KCNQ1: variants seen among roughly 807,000 people sequenced by gnomAD.
KCNQ1 encodes the protein potassium voltage-gated channel subfamily Q member 1, also known as potassium voltage-gated channel subfamily KQT member 1.
In KCNQ1, 49 loss-of-function variants were observed where a neutral mutation model predicts 72.4. That is an observed-to-expected ratio of 0.68 (90% CI 0.54 to 0.86). KCNQ1 has a LOEUF of 0.86. Ranked by LOEUF, KCNQ1 falls within the 40% of genes least tolerant of loss-of-function variation. KCNQ1 has a pLI of 0.00. For missense variants in KCNQ1, 790 were observed against 945.1 expected, an observed-to-expected ratio of 0.84 and a Z score of 2.15; for synonymous variants, 450 against 412.6, an observed-to-expected ratio of 1.09 and a Z score of -1.10.
intron 10 of KCNQ1, chr11:2,630,746 G>C (rs1263051864): frequency 5.0e-6 from 2 of 398,206 alleles, no homozygotes; most frequent in African/African-American, 4.1e-5. Flanking sequence ...ACTCCCTCTG[G>C]CATATCTTGT....
rs780746457 is a variant in KCNQ1 at position 2,687,732 on chromosome 11, G to A, written c.1514+25651G>A. The A allele has an allele frequency of 2.3e-5, 9 of 398,614 alleles. No homozygotes were observed. Among genetic ancestry groups the A allele is most frequent in the Non-Finnish European group, 3.5e-5 (8 of 226,146 alleles). The allele number at this position is 398,614 out of a possible 1,614,324, so 24.7% of individuals were successfully genotyped here. On this transcript the variant is annotated intron_variant, in intron 11 of 15. Coordinates refer to ENST00000155840, the MANE Select transcript of KCNQ1 (RefSeq NM_000218.3). The surrounding 1 kb of genome is among the most constrained non-coding windows in gnomAD (Gnocchi z 5.0). The stretch of plus-strand genomic sequence containing the variant: ...GGCCCAGATTTCAAGCCAGTAACCA[G>A]CAAATCATGGGGAGACTGAGAAGAG...
chr11:2,797,836 A>G (rs1847169738), intron 15 of KCNQ1, among the ~76,000 whole-genome samples: 1 of 152,044 alleles, frequency 6.6e-6, no homozygotes, highest in African/African-American at 2.4e-5. Context: ...CATCCTGTGA[A>G]GCCAGCCGGT....
intron 11 of KCNQ1, among the ~76,000 whole-genome samples, chr11:2,744,274 C>A (rs758705429): frequency 6.6e-6 from 1 of 152,236 alleles, no homozygotes; most frequent in African/African-American, 2.4e-5. Flanking sequence ...GATGTGGCAT[C>A]GGGAACACCA....
intron 12 of KCNQ1, among the ~76,000 whole-genome samples, chr11:2,775,278 G>A (rs1846671936): frequency 6.6e-6 from 1 of 152,200 alleles, no homozygotes; most frequent in South Asian, 2.1e-4. Context: ...GATGTCACCT[G>A]AGTCCCACTT....
In KCNQ1 at chr11:2,464,918, ATC is replaced by A. The variant is rs1392285930; in HGVS notation, c.386+19438_386+19439del. On this transcript the variant is annotated intron_variant, in intron 1 of 15. Coordinates refer to ENST00000155840, the MANE Select transcript of KCNQ1 (RefSeq NM_000218.3). This position sits in a 1 kb window ranked among gnomAD's most constrained non-coding sequence, Gnocchi z 5.0. ...TCCTGCCCGAGGAAGTAAGACAGCAATCTCTGGGGTCCTGGGCACCAACTCTG... is the reference window on the plus strand; with the variant it reads ...TCCTGCCCGAGGAAGTAAGACAGCAATCTGGGGTCCTGGGCACCAACTCTG... 6.6e-6 allele frequency among the ~76,000 whole-genome samples: 1 copy of A among 152,062 alleles called. No individual in the cohort carries two copies. The highest frequency in any genetic ancestry group is 2.4e-5 in the African/African-American group (1 of 41,394).
At chr11:2,792,596 A>G (rs900310552) in intron 15 of KCNQ1, among the ~76,000 whole-genome samples, 4 of 152,108 alleles carry the variant, frequency 2.6e-5, no homozygotes, top group African/African-American at 9.7e-5. Context: ...CATCCTATGG[A>G]TATCTAGAGG....
In KCNQ1 at chr11:2,787,643, T is replaced by C. The variant is rs951878999; in HGVS notation, c.1794+9606T>C. On this transcript the variant is annotated intron_variant, in intron 15 of 15. Transcript: ENST00000155840. The surrounding 1 kb of genome is among the most constrained non-coding windows in gnomAD (Gnocchi z 6.3). Reference sequence around the variant, plus strand: ...TATCATTTCAATATATAATTAATATTTTTAAAACTCTTAAAATTGTTGACA... The same window carrying C: ...TATCATTTCAATATATAATTAATATCTTTAAAACTCTTAAAATTGTTGACA... Among the ~76,000 whole-genome samples the C allele has an allele frequency of 6.6e-6, 1 of 152,214 alleles. No individual in the cohort carries two copies. Among genetic ancestry groups the C allele is most frequent in the Non-Finnish European group, 1.5e-5 (1 of 68,042 alleles).
At chr11:2,694,264 G>A (rs1033240917) in intron 11 of KCNQ1, 6 of 398,544 alleles carry the variant, frequency 1.5e-5, no homozygotes, top group East Asian at 7.1e-5. Context: ...TGCCTTTAAA[G>A]AGCCACAGCA....
At chr11:2,722,463 A>C (rs1006287921) in intron 11 of KCNQ1, among the ~76,000 whole-genome samples, 3 of 152,298 alleles carry the variant, frequency 2.0e-5, no homozygotes, top group Non-Finnish European at 4.4e-5. Flanking sequence ...GGAGGACCTC[A>C]CAAAGGAGAT....
At chr11:2,685,184 C>A in intron 11 of KCNQ1, 1 of 398,622 alleles carries the variant, frequency 2.5e-6, no homozygotes. Flanking sequence ...CATGGAATGC[C>A]CCCTTCGTGG....
chr11:2,680,757 T>G, intron 11 of KCNQ1: 1 of 138,384 alleles, frequency 7.2e-6, no homozygotes, highest in Non-Finnish European at 1.6e-5. Flanking sequence ...CCCTGACAAC[T>G]ACTAACCTAT....
rs1334504366 is a variant in KCNQ1 at position 2,477,538 on chromosome 11, A to G, written c.386+32054A>G. On this transcript the variant is annotated intron_variant, in intron 1 of 15. Transcript: ENST00000155840. This position sits in a 1 kb window ranked among gnomAD's most constrained non-coding sequence, Gnocchi z 5.0. ...GAAAAGAAAACTACAGACCAGTGAT[A>G]TGTACACAGAGAGCAATGAAAATCC... 1.3e-5 allele frequency among the ~76,000 whole-genome samples: 2 copies of G among 152,156 alleles called. No individual in the cohort carries two copies. The highest frequency in any genetic ancestry group is 4.8e-5 in the African/African-American group (2 of 41,428).
rs983777402 is a variant in KCNQ1 at position 2,559,649 on chromosome 11, C to T, written c.478-10979C>T. On this transcript the variant is annotated intron_variant, in intron 2 of 15. Coordinates refer to ENST00000155840, the MANE Select transcript of KCNQ1 (RefSeq NM_000218.3). The surrounding 1 kb of genome is among the most constrained non-coding windows in gnomAD (Gnocchi z 4.9). ...TCGCTCACCAGGAAGAAGACACGTC[C>T]GGGCAGCTGGCAGGTGGGGCTAGTT... Among the ~76,000 whole-genome samples, 17 of 152,162 alleles carry T rather than the reference C, an allele frequency of 1.1e-4. No individual in the cohort carries two copies. The highest frequency in any genetic ancestry group is 2.0e-4 in the Admixed American group (3 of 15,286).
intron 10 of KCNQ1, chr11:2,622,955 T>A (rs986826309): frequency 7.5e-6 from 3 of 398,524 alleles, no homozygotes; most frequent in Non-Finnish European, 1.3e-5. Flanking sequence ...TACAAATGTG[T>A]AACATGTTGA....
Position 2,492,517 on chromosome 11 carries a change from C to A in KCNQ1, c.387-35411C>A, listed in dbSNP as rs573202719. Reference sequence around the variant, plus strand: ...CTAATGCTCTCCCTCCCCTTGGCCCCCATCTCCCCACAGATCCCGGTGTGT... The same window carrying A: ...CTAATGCTCTCCCTCCCCTTGGCCCACATCTCCCCACAGATCCCGGTGTGT... On this transcript the variant is annotated intron_variant, in intron 1 of 15. Coordinates refer to ENST00000155840, the MANE Select transcript of KCNQ1 (RefSeq NM_000218.3). The surrounding 1 kb of genome is among the most constrained non-coding windows in gnomAD (Gnocchi z 4.1). 8.5e-5 allele frequency among the ~76,000 whole-genome samples: 13 copies of A among 152,248 alleles called. No individual in the cohort carries two copies. The highest frequency in any genetic ancestry group is 2.6e-4 in the Admixed American group (4 of 15,284).
In KCNQ1 at chr11:2,592,611, C is replaced by G. The variant is rs2283179; in HGVS notation, c.1393+3757C>G. The stretch of plus-strand genomic sequence containing the variant: ...TCTTTGCAGTGAAGCGTCACAGACT[C>G]CTCATGAAGGATGCATGGGGACCCA... On this transcript the variant is annotated intron_variant, in intron 10 of 15. Transcript: ENST00000155840. The surrounding 1 kb of genome is among the most constrained non-coding windows in gnomAD (Gnocchi z 5.2). 0.31 allele frequency among the ~76,000 whole-genome samples: 46,414 copies of G among 152,144 alleles called. 10,799 individuals carry two copies. The highest frequency in any genetic ancestry group is 0.6 in the African/African-American group (24,967 of 41,500).
intron 12 of KCNQ1, among the ~76,000 whole-genome samples, chr11:2,775,095 G>T (rs2133988230): frequency 6.6e-6 from 1 of 152,368 alleles, no homozygotes; most frequent in African/African-American, 2.4e-5. Context: ...GATAGAGGCA[G>T]TCTGTTGTCC....
intron 11 of KCNQ1, chr11:2,667,774 G>A (rs1850108970): frequency 2.5e-6 from 1 of 398,606 alleles, no homozygotes; most frequent in Admixed American, 4.4e-5. Context: ...TGAAGGCCAG[G>A]GCTATCCACC....
rs1425427406 is a variant in KCNQ1 at position 2,473,600 on chromosome 11, G to A, written c.386+28116G>A. Among the ~76,000 whole-genome samples, 1 of 152,090 alleles carries A rather than the reference G, an allele frequency of 6.6e-6. No homozygotes were observed. The highest frequency in any genetic ancestry group is 1.5e-5 in the Non-Finnish European group (1 of 68,006). On this transcript the variant is annotated intron_variant, in intron 1 of 15. Coordinates refer to ENST00000155840, the MANE Select transcript of KCNQ1 (RefSeq NM_000218.3). This position sits in a 1 kb window ranked among gnomAD's most constrained non-coding sequence, Gnocchi z 6.0. ...AGCCGTGTCATGTGGCTTGTAGAGC[G>A]AGGGTGTGCGGCCGGCATCATCCTC... is the stretch of plus-strand genomic sequence containing the variant.
Sources: gnomAD v4.1 joint callset for allele counts (sites outside exome capture counted in the v4.1 genomes callset) on GRCh38, gnomAD v4.1.1 for gene constraint, Gnocchi (gnomAD v3.1) non-coding constraint, MANE v1.5 for transcripts, NCBI Gene and HGNC (gene_info 2026-07-23, HGNC 2026-07-21) for gene names.